The following SNAPC3 variants were observed in gnomAD, a reference collection of about 807,000 sequenced individuals.
SNAPC3 encodes the protein small nuclear RNA activating complex polypeptide 3, also known as snRNA-activating protein complex subunit 3.
In SNAPC3, 56 loss-of-function variants were observed where a neutral mutation model predicts 47.7. The ratio of observed to expected loss-of-function variants is 1.18; its 90% CI spans 0.95 to 1.47. The LOEUF is 1.47. Among genes scored for constraint, SNAPC3 ranks in the 40% most tolerant of loss-of-function variants. The probability of loss-of-function intolerance (pLI) is 0.00; values close to 1 mark genes in which losing one functional copy is unlikely to be tolerated. For synonymous variants in SNAPC3, 235 were observed against 189.9 expected (o/e 1.24, Z -1.95); for missense variants, 665 against 511.3 (o/e 1.30, Z -2.90).
At chr9:15,446,755 C>T (rs1365088195) in intron 4 of SNAPC3, among the ~76,000 whole-genome samples, 1 of 152,054 alleles carries the variant, frequency 6.6e-6, no homozygotes, top group Non-Finnish European at 1.5e-5. Flanking sequence ...TTGGCTAGTT[C>T]GAACAATTCC....
At chr9:15,430,240 C>G (rs4741500) in intron 2 of SNAPC3, among the ~76,000 whole-genome samples, 138,641 of 152,212 alleles carry the variant, frequency 0.91, 63,371 homozygotes, top group African/African-American at 0.95. Context: ...AGAACAGCCT[C>G]GGCAAGATAG....
At chr9:15,440,673 G>C (rs2033247652) in intron 3 of SNAPC3, among the ~76,000 whole-genome samples, 1 of 152,186 alleles carries the variant, frequency 6.6e-6, no homozygotes, top group African/African-American at 2.4e-5. Context: ...ATCAGGGCCG[G>C]GCGCGGTGGC....
At position 15,453,033 on chromosome 9, in the gene SNAPC3, C is replaced by G; in HGVS notation, c.816-8C>G. ...AAAATGATATATCCTTGCCTTTTCC[C>G]CCCTCAGAACTATCATTGAGTGGTC... On this transcript the variant is annotated splice_region_variant and splice_polypyrimidine_tract_variant and intron_variant, in intron 6 of 8. Transcript: ENST00000380821. 1 of 1,596,752 alleles carries G rather than the reference C, an allele frequency of 6.3e-7. No individual in the cohort carries two copies. Among genetic ancestry groups the G allele is most frequent in the South Asian group, 1.1e-5 (1 of 87,342 alleles).
chr9:15,465,599 G>A (rs1242060758), downstream of SNAPC3: 7 of 1,535,796 alleles, frequency 4.6e-6, no homozygotes, highest in Non-Finnish European at 6.2e-6. Context: ...AAGGGGGAAA[G>A]GTACAACTGG....
chr9:15,431,844 G>C (rs1025843719), intron 2 of SNAPC3: 1 of 151,148 alleles, frequency 6.6e-6, no homozygotes, highest in Non-Finnish European at 1.5e-5. Flanking sequence ...CCACTGAAAA[G>C]GGTGGGGAAG....
chr9:15,444,520 C>T (rs1180930285), intron 3 of SNAPC3, 82 bp from the exon 4 acceptor site: 7 of 829,392 alleles, frequency 8.4e-6, no homozygotes, highest in Non-Finnish European at 1.4e-5. Flanking sequence ...TTGACTCGAT[C>T]CCTTGCTGAT....
At chr9:15,448,651 C>T (rs968414563) in intron 5 of SNAPC3, among the ~76,000 whole-genome samples, 2 of 152,134 alleles carry the variant, frequency 1.3e-5, no homozygotes, top group African/African-American at 4.8e-5. Flanking sequence ...GCATATGGCT[C>T]ACATGTAGAT....
At chr9:15,427,983 C>T (rs1458175619) in intron 2 of SNAPC3, among the ~76,000 whole-genome samples, 4 of 151,888 alleles carry the variant, frequency 2.6e-5, no homozygotes, top group Non-Finnish European at 4.4e-5. Context: ...TGGTGGCACC[C>T]GCCTGTAGTC....
At chr9:15,446,776 G>C (rs2033965995) in intron 4 of SNAPC3, among the ~76,000 whole-genome samples, 1 of 152,134 alleles carries the variant, frequency 6.6e-6, no homozygotes, top group African/African-American at 2.4e-5. Context: ...AGTAGGTTTG[G>C]TGGCAGAGGG....
At chr9:15,442,745 C>T (rs77295534) in intron 3 of SNAPC3, among the ~76,000 whole-genome samples, 5 of 152,112 alleles carry the variant, frequency 3.3e-5, no homozygotes, top group South Asian at 2.1e-4. Context: ...CAGGCAGAGA[C>T]GCTCTTCACT....
At chr9:15,425,105 C>T (rs1298769675) in intron 2 of SNAPC3, among the ~76,000 whole-genome samples, 2 of 152,230 alleles carry the variant, frequency 1.3e-5, no homozygotes, top group Non-Finnish European at 2.9e-5. Flanking sequence ...AAGCCTTCCA[C>T]ATATATCCCA....
chr9:15,456,167 C>T (rs2131961624), intron 7 of SNAPC3, among the ~76,000 whole-genome samples: 1 of 151,962 alleles, frequency 6.6e-6, no homozygotes, highest in South Asian at 2.1e-4. Context: ...AGCCACCATG[C>T]CAGGCCTAAT....
intron 3 of SNAPC3, among the ~76,000 whole-genome samples, chr9:15,437,064 A>T (rs143872965): frequency 0.043 from 6,502 of 152,014 alleles, 461 homozygotes; most frequent in African/African-American, 0.15. Context: ...GCCTCAGGTG[A>T]TCCGCCTGCC....
At chr9:15,458,160 C>CT in intron 8 of SNAPC3, 93 bp downstream of exon 8, 1 of 642,178 alleles carries the variant, frequency 1.6e-6, no homozygotes, top group Non-Finnish European at 2.6e-6. Flanking sequence ...AATATTTGTA[C>CT]TTTAGGTTAT....
chr9:15,449,538 TATATA>T (rs1439104226), intron 5 of SNAPC3, among the ~76,000 whole-genome samples: 14 of 37,590 alleles, frequency 3.7e-4, no homozygotes, highest in African/African-American at 1.4e-3. Flanking sequence ...ATTATTATTA[TATATA>T]TATATATATA....
chr9:15,426,331 G>A (rs2031393071), intron 2 of SNAPC3, among the ~76,000 whole-genome samples: 1 of 152,034 alleles, frequency 6.6e-6, no homozygotes. Flanking sequence ...AAAGGACTAC[G>A]GACTCCATTT....
chr9:15,448,991 G>T (rs1436112949), intron 5 of SNAPC3, among the ~76,000 whole-genome samples: 1 of 151,890 alleles, frequency 6.6e-6, no homozygotes, highest in African/African-American at 2.4e-5. Context: ...GTATTTTTTA[G>T]TAGAAACGGG....
At chr9:15,428,773 C>T (rs1406440653) in intron 2 of SNAPC3, among the ~76,000 whole-genome samples, 1 of 151,164 alleles carries the variant, frequency 6.6e-6, no homozygotes, top group East Asian at 1.9e-4. Flanking sequence ...AAGCAAGAGG[C>T]AATGAAGAAA....
intron 2 of SNAPC3, among the ~76,000 whole-genome samples, chr9:15,426,668 T>C (rs1321925895): frequency 6.6e-6 from 1 of 152,222 alleles, no homozygotes; most frequent in Admixed American, 6.5e-5. Flanking sequence ...TATTCATTGA[T>C]TTATAGTAAT....
Sources: allele counts gnomAD v4.1 joint callset (sites outside exome capture counted in the v4.1 genomes callset), GRCh38; gene constraint gnomAD v4.1.1; transcripts MANE v1.5; gene names NCBI Gene and HGNC (gene_info 2026-07-23, HGNC 2026-07-21).